Variants in CAMK2B observed in about 807,000 individuals in gnomAD.
The protein encoded by CAMK2B is calcium/calmodulin-dependent protein kinase type II subunit beta.
A neutral mutation model predicts 93.7 loss-of-function variants in CAMK2B; 27 were observed. That is an observed-to-expected ratio of 0.29 (90% CI 0.21 to 0.40). The LOEUF is 0.40. Ranked by LOEUF, CAMK2B falls within the 10% of genes least tolerant of loss-of-function variation. The pLI, the probability that CAMK2B is intolerant of heterozygous loss-of-function variation, is 1.00. For missense variants in CAMK2B, 568 were observed against 895.8 expected (o/e 0.63, Z 4.67); for synonymous variants, 374 against 358.8 (o/e 1.04, Z -0.48).
chr7:44,316,651 T>C (rs1368580068), intron 1 of CAMK2B, among the ~76,000 whole-genome samples: 1 of 152,230 alleles, frequency 6.6e-6, no homozygotes, highest in Non-Finnish European at 1.5e-5. Flanking sequence ...GCCTAAGCTT[T>C]CCTTTGTGGG....
intron 5 of CAMK2B, among the ~76,000 whole-genome samples, chr7:44,247,913 A>G (rs574432924): frequency 1.2e-4 from 19 of 152,334 alleles, no homozygotes; most frequent in African/African-American, 4.3e-4. Context: ...CTGTAATCCC[A>G]GCTACTCAGG....
Position 44,224,898 on chromosome 7 carries a change from G to C in CAMK2B, c.1597+1618C>G, listed in dbSNP as rs1234327128. Reference sequence around the variant, plus strand: ...GCCACCTGGGCCCAGGTGCCCCCAGGGCAGTACCCAGACTCTTCCTTTCCC... The same window carrying C: ...GCCACCTGGGCCCAGGTGCCCCCAGCGCAGTACCCAGACTCTTCCTTTCCC... On this transcript the variant is annotated intron_variant, in intron 20 of 23. Transcript: ENST00000395749. The surrounding 1 kb of genome is among the most constrained non-coding windows in gnomAD (Gnocchi z 4.4). 6.6e-6 allele frequency among the ~76,000 whole-genome samples: 1 copy of C among 151,964 alleles called. No individual in the cohort carries two copies. Among genetic ancestry groups the C allele is most frequent in the Non-Finnish European group, 1.5e-5 (1 of 67,952 alleles).
At position 44,314,935 on chromosome 7, in the gene CAMK2B, C is replaced by T. The variant is rs191726672; in HGVS notation, c.65+10422G>A. Among the ~76,000 whole-genome samples the T allele has an allele frequency of 9.4e-3, 1,436 of 152,282 alleles. 8 individuals carry two copies. The highest frequency in any genetic ancestry group is 0.024 in the South Asian group (116 of 4,824). Reference sequence around the variant, plus strand: ...TTTTTAATTAGGTTGTTTCTTCTTACTGTTAGGTAGTAAAAGTTCTTAAAG... The same window carrying T: ...TTTTTAATTAGGTTGTTTCTTCTTATTGTTAGGTAGTAAAAGTTCTTAAAG... On this transcript the variant is annotated intron_variant, in intron 1 of 23. Transcript: ENST00000395749.
Position 44,229,376 on chromosome 7 carries a change from C to T in CAMK2B, c.1339+12G>A. 6.6e-7 allele frequency: 1 copy of T among 1,509,600 alleles called. No homozygotes were observed. The highest frequency in any genetic ancestry group is 1.2e-5 in the South Asian group (1 of 80,692). The allele number at this position is 1,509,600 out of a possible 1,614,324, so 93.5% of individuals were successfully genotyped here. On this transcript the variant is annotated intron_variant, in intron 18 of 23. Transcript: ENST00000395749. ...ACATGACCCCCACAGCAGCAGGACC[C>T]AGGCTACTTACATGGGGCTGGCAGG...
At chr7:44,280,231 TC>T (rs2097091501) in intron 2 of CAMK2B, among the ~76,000 whole-genome samples, 1 of 152,096 alleles carries the variant, frequency 6.6e-6, no homozygotes, top group African/African-American at 2.4e-5. Flanking sequence ...GACAAAGTGA[TC>T]CCAAAGGAGA....
Position 44,271,188 on chromosome 7 carries a change from G to A in CAMK2B, c.161-8124C>T, listed in dbSNP as rs2096971223. Among the ~76,000 whole-genome samples the A allele has an allele frequency of 6.6e-6, 1 of 152,112 alleles. No homozygotes were observed. The highest frequency in any genetic ancestry group is 2.1e-4 in the South Asian group (1 of 4,810). On this transcript the variant is annotated intron_variant, in intron 2 of 23. Coordinates refer to ENST00000395749, the MANE Select transcript of CAMK2B (RefSeq NM_001220.5). The surrounding 1 kb of genome is among the most constrained non-coding windows in gnomAD (Gnocchi z 4.2). ...CCCACCTCAGCCTCCCAAAGTGCTGGGATTACAGGCATGAGCCACCATCTG... is the reference window on the plus strand; with the variant it reads ...CCCACCTCAGCCTCCCAAAGTGCTGAGATTACAGGCATGAGCCACCATCTG...
chr7:44,263,008 T>C lies in CAMK2B; in HGVS notation c.217A>G (p.Ile73Val), dbSNP rs1206764113. Residue 73 changes from isoleucine to valine, a missense_variant, in exon 3 of 24, where the codon ATC becomes GTC. Physicochemically the swap from Ile to Val is conservative, Grantham distance 29. Transcript: ENST00000395749. The part of the protein sequence containing the change: ...RICRLLKHSN[I>V]VRLHDSISEE... ...CTCCCTACCCCAGGCTGCTCACCGA[T>C]GTTGGAATGCTTCAGAAGGCGGCAG... 1 of 1,612,900 alleles carries C rather than the reference T, an allele frequency of 6.2e-7. No individual in the cohort carries two copies. The highest frequency in any genetic ancestry group is 1.1e-5 in the South Asian group (1 of 91,004).
intron 1 of CAMK2B, among the ~76,000 whole-genome samples, chr7:44,319,200 T>C (rs1028257226): frequency 6.6e-6 from 1 of 152,188 alleles, no homozygotes; most frequent in African/African-American, 2.4e-5. Context: ...TTAAATTTTT[T>C]GAAAATATAT....
At position 44,224,510 on chromosome 7, in the gene CAMK2B, C is replaced by G. The variant is rs1423938941; in HGVS notation, c.1597+2006G>C. Among the ~76,000 whole-genome samples, 1 of 152,232 alleles carries G rather than the reference C, an allele frequency of 6.6e-6. No individual in the cohort carries two copies. The highest frequency in any genetic ancestry group is 1.5e-5 in the Non-Finnish European group (1 of 68,040). ...GCACGAGCCAAGAGCCTCTGCAAGTCAGGCCTTCCAGGTGCCCTGACATGA... is the reference window on the plus strand; with the variant it reads ...GCACGAGCCAAGAGCCTCTGCAAGTGAGGCCTTCCAGGTGCCCTGACATGA... On this transcript the variant is annotated intron_variant, in intron 20 of 23. Coordinates refer to ENST00000395749, the MANE Select transcript of CAMK2B (RefSeq NM_001220.5). This position sits in a 1 kb window ranked among gnomAD's most constrained non-coding sequence, Gnocchi z 4.4.
At chr7:44,228,219 A>G (rs1414015680) in intron 19 of CAMK2B, among the ~76,000 whole-genome samples, 1 of 151,976 alleles carries the variant, frequency 6.6e-6, no homozygotes, top group Non-Finnish European at 1.5e-5. Context: ...CCCCATGAGG[A>G]CAGCCCAGGT....
rs1168117821 is a variant in CAMK2B, at chr7:44,243,349, G to A, written c.518-16C>T. ...CCAGCGAAACCTAGAGAGAGGGGAA[G>A]AGGCCACAAGGGGCTGTCAGCATCA... On this transcript the variant is annotated splice_polypyrimidine_tract_variant and intron_variant, in intron 7 of 23. Transcript: ENST00000395749. 2 of 1,613,484 alleles carry A rather than the reference G, an allele frequency of 1.2e-6. No homozygotes were observed. The highest frequency in any genetic ancestry group is 1.3e-5 in the African/African-American group (1 of 75,014).
At chr7:44,259,927 G>C (rs915828690) in intron 3 of CAMK2B, among the ~76,000 whole-genome samples, 2 of 152,272 alleles carry the variant, frequency 1.3e-5, no homozygotes, top group Admixed American at 1.3e-4. Context: ...AGTTACAGAT[G>C]AGGAAGCTGA....
intron 2 of CAMK2B, among the ~76,000 whole-genome samples, chr7:44,269,102 G>A (rs866472746): frequency 1.2e-4 from 18 of 152,320 alleles, no homozygotes; most frequent in South Asian, 2.1e-4. Context: ...TGGAGCTGAC[G>A]GGAAGGACAT....
intron 8 of CAMK2B, 32 bp from the exon 9 acceptor site, chr7:44,242,686 C>T (rs781410084): frequency 1.3e-6 from 2 of 1,490,608 alleles, no homozygotes; most frequent in South Asian, 2.3e-5. Context: ...ACCGCAGCCA[C>T]TTGCAGGGTG....
intron 1 of CAMK2B, among the ~76,000 whole-genome samples, chr7:44,317,074 C>T (rs1416106244): frequency 6.6e-6 from 1 of 152,134 alleles, no homozygotes; most frequent in Non-Finnish European, 1.5e-5. Flanking sequence ...TAAGGGCAGG[C>T]ATCCTTGACT....
At chr7:44,323,605 A>G (rs544598348) in intron 1 of CAMK2B, among the ~76,000 whole-genome samples, 1 of 152,346 alleles carries the variant, frequency 6.6e-6, no homozygotes, top group African/African-American at 2.4e-5. Context: ...AGGAACAGCC[A>G]GAGTGAGCTG....
intron 1 of CAMK2B, among the ~76,000 whole-genome samples, chr7:44,321,959 T>C (rs905733807): frequency 4.6e-5 from 7 of 152,138 alleles, no homozygotes; most frequent in Non-Finnish European, 7.3e-5. Flanking sequence ...TCGAGGACCC[T>C]CCTCGGCAGC....
At position 44,243,442 on chromosome 7, in the gene CAMK2B, TC is replaced by T; in HGVS notation, c.499del (p.Asp167ThrfsTer36). The T allele has an allele frequency of 6.2e-7, 1 of 1,613,668 alleles. No individual in the cohort carries two copies. Among genetic ancestry groups the T allele is most frequent in the Non-Finnish European group, 8.5e-7 (1 of 1,179,880 alleles). Reference protein sequence around the residue: ...DFGLAIEVQGDQQAWFGFAGT... With the variant: ...DFGLAIEVQGXQQAWFGFAGT... ...GCACTCACCAAACCATGCCTGCTGGTCCCCCTGCACCTCGATAGCTAGGCCG... is the reference window on the plus strand; with the variant it reads ...GCACTCACCAAACCATGCCTGCTGGTCCCCTGCACCTCGATAGCTAGGCCG... On this transcript the variant is annotated frameshift_variant, in exon 7 of 24. Transcript: ENST00000395749. LOFTEE classifies it high-confidence loss of function.
rs557556551 is a variant in CAMK2B at position 44,272,156 on chromosome 7, C to G, written c.161-9092G>C. Among the ~76,000 whole-genome samples, 1,124 of 152,188 alleles carry G rather than the reference C, an allele frequency of 7.4e-3. 18 individuals are homozygous for G. The highest frequency in any genetic ancestry group is 7.6e-3 in the Non-Finnish European group (520 of 68,000). Reference sequence around the variant, plus strand: ...ATAGTGGGCTGGACAAGCCTGCTCTCCCTCTGGAGATCTGGGGCGGGGAAT... The same window carrying G: ...ATAGTGGGCTGGACAAGCCTGCTCTGCCTCTGGAGATCTGGGGCGGGGAAT... On this transcript the variant is annotated intron_variant, in intron 2 of 23. Coordinates refer to ENST00000395749, the MANE Select transcript of CAMK2B (RefSeq NM_001220.5).
Sources: gnomAD v4.1 joint callset for allele counts (sites outside exome capture counted in the v4.1 genomes callset) on GRCh38, gnomAD v4.1.1 for gene constraint, Gnocchi (gnomAD v3.1) non-coding constraint, MANE v1.5 for transcripts, NCBI Gene and HGNC (gene_info 2026-07-23, HGNC 2026-07-21) for gene names.